Variants in ABHD17C observed in about 807,000 individuals in gnomAD.
ABHD17C encodes the protein abhydrolase domain containing 17C, depalmitoylase, also known as alpha/beta hydrolase domain-containing protein 17C.
A neutral mutation model predicts 27.9 loss-of-function variants in ABHD17C; 11 were observed. That is an observed-to-expected ratio of 0.39 (90% CI 0.25 to 0.65). The LOEUF (loss-of-function observed/expected upper bound fraction) is 0.65, where lower values mean the gene tolerates loss of function less well. ABHD17C is among the 30% of genes least tolerant of loss of function. The pLI, the probability that ABHD17C is intolerant of heterozygous loss-of-function variation, is 0.45. For synonymous variants in ABHD17C, 233 were observed against 209.1 expected (o/e 1.11, Z -0.98); for missense variants, 280 against 470.2 (o/e 0.60, Z 3.74).
intron 1 of ABHD17C, among the ~76,000 whole-genome samples, chr15:80,745,391 A>ATT (rs35175632): frequency 2.1e-5 from 3 of 146,296 alleles, no homozygotes; most frequent in African/African-American, 7.6e-5. Flanking sequence ...CCCTAACAGC[A>ATT]TTTTTTTTTT....
chr15:80,713,857 TA>T (rs1894764648), intron 1 of ABHD17C, among the ~76,000 whole-genome samples: 1 of 150,330 alleles, frequency 6.7e-6, no homozygotes, highest in South Asian at 2.1e-4. Context: ...ATGGCCTGGG[TA>T]GTCTTATAAT....
intron 1 of ABHD17C, among the ~76,000 whole-genome samples, chr15:80,728,678 T>C (rs1161220283): frequency 6.6e-6 from 1 of 152,234 alleles, no homozygotes; most frequent in Non-Finnish European, 1.5e-5. Context: ...ATCACTAAAC[T>C]TAGGGCCTTC....
chr15:80,700,335 G>A (rs1341506611), intron 1 of ABHD17C, among the ~76,000 whole-genome samples: 3 of 152,192 alleles, frequency 2.0e-5, no homozygotes, highest in South Asian at 4.1e-4. Flanking sequence ...GGAGGAACAG[G>A]AGAGTGGGAC....
rs1398127276 is a variant in ABHD17C at position 80,695,744 on chromosome 15, C to G, written c.315C>G (p.Asp105Glu). 5 of 1,534,974 alleles carry G rather than the reference C, an allele frequency of 3.3e-6. No homozygotes were observed. The South Asian group carries it at 4.8e-5, about 15-fold the overall frequency. Residue 105 changes from aspartate to glutamate, a missense_variant, in exon 1 of 3, where the codon GAC becomes GAG. By Grantham distance (45) the Asp-to-Glu change is conservative. This residue lies in a region of ABHD17C where 206 missense variants were observed against 394.7 expected (regional missense o/e 0.52). Transcript: ENST00000258884. The surrounding 1 kb of genome is among the most constrained non-coding windows in gnomAD (Gnocchi z 4.3). The stretch of plus-strand genomic sequence containing the variant: ...GGCAGTACTCGCAGCGCGAGCTGGA[C>G]GCCGTCGAGGTCTTCTTCTCGCGCA... ...ADWQYSQREL[D>E]AVEVFFSRTA...
At chr15:80,716,565 G>T (rs1469505742) in intron 1 of ABHD17C, among the ~76,000 whole-genome samples, 1 of 152,040 alleles carries the variant, frequency 6.6e-6, no homozygotes, top group Non-Finnish European at 1.5e-5. Context: ...GATCTCTAGT[G>T]TAAGATGCCA....
At chr15:80,726,446 T>C (rs1229099833) in intron 1 of ABHD17C, among the ~76,000 whole-genome samples, 6 of 152,028 alleles carry the variant, frequency 3.9e-5, no homozygotes, top group South Asian at 4.1e-4. Flanking sequence ...TCTGTTTTTT[T>C]CCCTCCAGTT....
intron 1 of ABHD17C, among the ~76,000 whole-genome samples, chr15:80,698,255 G>T (rs1214900959): frequency 6.6e-6 from 1 of 151,826 alleles, no homozygotes; most frequent in Admixed American, 6.6e-5. Flanking sequence ...TAGTAGAGAC[G>T]GGGTTTCACC....
chr15:80,739,808 C>T (rs1425335718), intron 1 of ABHD17C, among the ~76,000 whole-genome samples: 2 of 152,146 alleles, frequency 1.3e-5, no homozygotes, highest in Non-Finnish European at 2.9e-5. Flanking sequence ...CAATACAGCC[C>T]CTGTTGTTCT....
At chr15:80,704,947 CT>C in intron 1 of ABHD17C, 1 of 152,350 alleles carries the variant, frequency 6.6e-6, no homozygotes, top group African/African-American at 2.4e-5. Context: ...GGTCTGTTCC[CT>C]TTTGTTGACT....
chr15:80,707,584 G>T (rs1366927233), intron 1 of ABHD17C, among the ~76,000 whole-genome samples: 1 of 151,150 alleles, frequency 6.6e-6, no homozygotes, highest in Non-Finnish European at 1.5e-5. Context: ...AAAAAAAAAC[G>T]CAAAAAATCT....
Position 80,729,104 on chromosome 15 carries a change from G to A in ABHD17C, c.591-20409G>A, listed in dbSNP as rs75638527. ...ACTCAGGTCTTCCTTGTTTATTATC[G>A]TATCTTCAGCTTGTGGGCACCAAAG... On this transcript the variant is annotated intron_variant, in intron 1 of 2. Coordinates refer to ENST00000258884, the MANE Select transcript of ABHD17C (RefSeq NM_021214.2). Among the ~76,000 whole-genome samples, 1,362 of 152,216 alleles carry A rather than the reference G, an allele frequency of 8.9e-3. 11 individuals carry two copies. Among genetic ancestry groups the A allele is most frequent in the Non-Finnish European group, 0.014 (941 of 68,014 alleles).
chr15:80,740,968 G>T (rs951716861), intron 1 of ABHD17C, among the ~76,000 whole-genome samples: 2 of 152,188 alleles, frequency 1.3e-5, no homozygotes, highest in Non-Finnish European at 2.9e-5. Context: ...ATGAAAACAC[G>T]TGTTTAGTGG....
intron 1 of ABHD17C, among the ~76,000 whole-genome samples, chr15:80,730,727 T>C (rs140246976): frequency 5.9e-4 from 90 of 152,328 alleles, no homozygotes; most frequent in African/African-American, 2.1e-3. Flanking sequence ...TTTTACAGGC[T>C]TGTGTTGCTT....
chr15:80,705,445 G>A (rs1460262496), intron 1 of ABHD17C, among the ~76,000 whole-genome samples: 1 of 151,464 alleles, frequency 6.6e-6, no homozygotes, highest in Non-Finnish European at 1.5e-5. Context: ...CCTCAGGCAA[G>A]TTTTCTACCA....
At chr15:80,736,937 C>T (rs571653504) in intron 1 of ABHD17C, among the ~76,000 whole-genome samples, 22 of 152,316 alleles carry the variant, frequency 1.4e-4, no homozygotes, top group African/African-American at 4.6e-4. Context: ...GCGCTGTCAG[C>T]CTCCATTGCA....
At chr15:80,725,183 C>A (rs1483644273) in intron 1 of ABHD17C, among the ~76,000 whole-genome samples, 1 of 152,194 alleles carries the variant, frequency 6.6e-6, no homozygotes, top group Admixed American at 6.5e-5. Context: ...GAGAATATAA[C>A]AACGAATACA....
intron 1 of ABHD17C, among the ~76,000 whole-genome samples, chr15:80,739,250 A>G (rs1895173696): frequency 6.6e-6 from 1 of 152,182 alleles, no homozygotes; most frequent in Non-Finnish European, 1.5e-5. Flanking sequence ...GGCCCCTGAA[A>G]ACACAGCCTA....
intron 1 of ABHD17C, among the ~76,000 whole-genome samples, chr15:80,698,050 GT>G (rs1246130827): frequency 7.2e-6 from 1 of 138,156 alleles, no homozygotes; most frequent in Non-Finnish European, 1.5e-5. Context: ...AGAATATGTT[GT>G]TTTATTTCAC....
chr15:80,745,742 C>T (rs1408464351), intron 1 of ABHD17C, among the ~76,000 whole-genome samples: 1 of 152,182 alleles, frequency 6.6e-6, no homozygotes, highest in Non-Finnish European at 1.5e-5. Context: ...AAAGAACTTA[C>T]CCACGTAACC....
Sources: allele counts gnomAD v4.1 joint callset (sites outside exome capture counted in the v4.1 genomes callset), GRCh38; gene constraint gnomAD v4.1.1; regional missense constraint gnomAD v4.1.1; non-coding constraint Gnocchi (gnomAD v3.1); transcripts MANE v1.5; gene names NCBI Gene and HGNC (gene_info 2026-07-23, HGNC 2026-07-21).